The following CYYR1 variants were observed in gnomAD, a reference collection of about 807,000 sequenced individuals.
CYYR1 encodes cysteine and tyrosine-rich protein 1.
CYYR1 carries 14 observed loss-of-function variants against 15.2 expected under a neutral mutation model. That is an observed-to-expected ratio of 0.92 (90% CI 0.61 to 1.44). The LOEUF (loss-of-function observed/expected upper bound fraction) is 1.44, where lower values mean the gene tolerates loss of function less well. CYYR1 is among the 40% of genes most tolerant of loss of function. CYYR1 has a pLI of 0.00. For missense variants in CYYR1, 228 were observed against 209.5 expected (o/e 1.09, Z -0.54); for synonymous variants, 80 against 77.4 (o/e 1.03, Z -0.18).
intron 3 of CYYR1, among the ~76,000 whole-genome samples, chr21:26,474,048 GTTTTTTTT>G (rs35327076): frequency 9.5e-6 from 1 of 105,086 alleles, no homozygotes; most frequent in Admixed American, 9.8e-5. Context: ...TTTTGTTTTC[GTTTTTTTT>G]TTTTTTTTGA....
At chr21:26,496,338 C>T (rs959629085) in intron 2 of CYYR1, among the ~76,000 whole-genome samples, 3 of 151,994 alleles carry the variant, frequency 2.0e-5, no homozygotes, top group Admixed American at 2.0e-4. Context: ...CAGCTAGATT[C>T]AGATATGTGG....
intron 2 of CYYR1, among the ~76,000 whole-genome samples, chr21:26,517,247 G>A (rs967649035): frequency 6.6e-6 from 1 of 151,368 alleles, no homozygotes; most frequent in Non-Finnish European, 1.5e-5. Context: ...AAATAGGGCA[G>A]CTCTATAGTA....
At chr21:26,539,929 C>T (rs989235607) in intron 2 of CYYR1, among the ~76,000 whole-genome samples, 1 of 152,156 alleles carries the variant, frequency 6.6e-6, no homozygotes, top group African/African-American at 2.4e-5. Flanking sequence ...TTTTCCCTCT[C>T]ATAATAGCAT....
At chr21:26,473,827 A>G (rs543849617) in intron 3 of CYYR1, among the ~76,000 whole-genome samples, 2 of 152,226 alleles carry the variant, frequency 1.3e-5, no homozygotes, top group East Asian at 1.9e-4. Context: ...ACTCTAATTA[A>G]AATCTGATTT....
In CYYR1 at chr21:26,573,222, G is replaced by A. The variant is rs920936675; in HGVS notation, c.-282C>T. ...CCCACTGCGCTCAGGCGCGGGGAAG[G>A]CGGCCACTCCGGCGTCCTTGGCCAC... On this transcript the variant is annotated 5_prime_UTR_variant, in exon 1 of 4. Transcript: ENST00000652641. The A allele has an allele frequency of 1.4e-6, 2 of 1,420,010 alleles. No homozygotes were observed. The highest frequency in any genetic ancestry group is 2.9e-5 in the African/African-American group (2 of 67,940). The allele number at this position is 1,420,010 out of a possible 1,614,324, so 88.0% of individuals were successfully genotyped here.
intron 2 of CYYR1, among the ~76,000 whole-genome samples, chr21:26,511,667 C>A (rs542450540): frequency 3.3e-5 from 5 of 152,298 alleles, no homozygotes; most frequent in African/African-American, 1.2e-4. Flanking sequence ...CAAGTGATTG[C>A]AAAGTGAAGG....
intron 2 of CYYR1, among the ~76,000 whole-genome samples, chr21:26,515,084 G>T (rs1395846595): frequency 6.6e-6 from 1 of 152,170 alleles, no homozygotes; most frequent in African/African-American, 2.4e-5. Flanking sequence ...CACTGGTTCA[G>T]TGAATTAATA....
At chr21:26,565,667 G>C (rs59590347) in intron 2 of CYYR1, among the ~76,000 whole-genome samples, 2,723 of 152,214 alleles carry the variant, frequency 0.018, 81 homozygotes, top group African/African-American at 0.062. Flanking sequence ...GCTTCACAGA[G>C]TCTACATGTA....
At chr21:26,515,329 A>G (rs2065712008) in intron 2 of CYYR1, among the ~76,000 whole-genome samples, 1 of 152,144 alleles carries the variant, frequency 6.6e-6, no homozygotes, top group Non-Finnish European at 1.5e-5. Flanking sequence ...TCTTTCAGTA[A>G]AATCCACCCT....
chr21:26,532,096 C>CA (rs1013007374), intron 2 of CYYR1, among the ~76,000 whole-genome samples: 30 of 152,120 alleles, frequency 2.0e-4, no homozygotes, highest in African/African-American at 7.2e-4. Flanking sequence ...CTTACATATG[C>CA]AAAAAATATA....
chr21:26,491,331 AC>A (rs1389172986), intron 2 of CYYR1, among the ~76,000 whole-genome samples: 1 of 152,064 alleles, frequency 6.6e-6, no homozygotes, highest in African/African-American at 2.4e-5. Context: ...TTCTTTCTGT[AC>A]CTTTTTGTCA....
chr21:26,568,014 C>G (rs1164107242), intron 1 of CYYR1: 1 of 152,080 alleles, frequency 6.6e-6, no homozygotes, highest in Non-Finnish European at 1.5e-5. Context: ...GGAATGAAAG[C>G]GAAAAATAAT....
At chr21:26,564,070 A>G (rs1194305555) in intron 2 of CYYR1, among the ~76,000 whole-genome samples, 1 of 152,174 alleles carries the variant, frequency 6.6e-6, no homozygotes, top group Admixed American at 6.5e-5. Context: ...AAGAGGAAAC[A>G]TCATTTATGA....
chr21:26,531,823 A>T (rs978387960), intron 2 of CYYR1, among the ~76,000 whole-genome samples: 1 of 152,150 alleles, frequency 6.6e-6, no homozygotes, highest in Non-Finnish European at 1.5e-5. Context: ...TTTCTTGAAC[A>T]GCGTGCTAGC....
chr21:26,477,625 GATAAA>G (rs2065121333), intron 3 of CYYR1: 2 of 624,116 alleles, frequency 3.2e-6, no homozygotes, highest in Non-Finnish European at 4.0e-6. Flanking sequence ...CTTACAGAAG[GATAAA>G]ATAAAATATT....
intron 3 of CYYR1, chr21:26,470,965 A>G (rs1420876514): frequency 1.3e-5 from 2 of 152,222 alleles, no homozygotes; most frequent in Admixed American, 6.5e-5. Context: ...CCGAGAACAC[A>G]GCTCTGTAAA....
chr21:26,493,507 A>G (rs1359237191), intron 2 of CYYR1, among the ~76,000 whole-genome samples: 1 of 152,104 alleles, frequency 6.6e-6, no homozygotes, highest in Non-Finnish European at 1.5e-5. Flanking sequence ...CCAAGTTCAA[A>G]CTCCTAAAGG....
intron 2 of CYYR1, among the ~76,000 whole-genome samples, chr21:26,555,225 A>T: frequency 6.6e-6 from 1 of 152,196 alleles, no homozygotes; most frequent in East Asian, 1.9e-4. Context: ...TTAATATAAG[A>T]ATGAATATTA....
At chr21:26,486,796 A>T (rs2065254783) in intron 2 of CYYR1, among the ~76,000 whole-genome samples, 1 of 152,106 alleles carries the variant, frequency 6.6e-6, no homozygotes, top group Non-Finnish European at 1.5e-5. Context: ...ATGTTGCAGT[A>T]ACACTTTTAG....
Sources: gnomAD v4.1 joint callset for allele counts (sites outside exome capture counted in the v4.1 genomes callset) on GRCh38, gnomAD v4.1.1 for gene constraint, MANE v1.5 for transcripts, NCBI Gene and HGNC (gene_info 2026-07-23, HGNC 2026-07-21) for gene names.